The following ETS2 variants were observed in gnomAD, a reference collection of about 807,000 sequenced individuals.
The protein encoded by ETS2 is protein C-ets-2.
In ETS2, 19 loss-of-function variants were observed where a neutral mutation model predicts 54.9. The observed-to-expected ratio is 0.35, with a 90% confidence interval of 0.24 to 0.51. ETS2 has a LOEUF of 0.51. ETS2 is among the 20% of genes least tolerant of loss of function. The pLI is 0.97. For missense variants in ETS2, 417 were observed against 593.0 expected, an observed-to-expected ratio of 0.70 and a Z score of 3.08; for synonymous variants, 219 against 229.3, an observed-to-expected ratio of 0.95 and a Z score of 0.41.
Position 38,822,920 on chromosome 21 carries a change from G to C in ETS2, c.*31G>C. 6.6e-7 allele frequency: 1 copy of C among 1,511,946 alleles called. No homozygotes were observed. The highest frequency in any genetic ancestry group is 8.9e-7 in the Non-Finnish European group (1 of 1,125,730). The allele number at this position is 1,511,946 out of a possible 1,614,324, so 93.7% of individuals were successfully genotyped here. Reference sequence around the variant, plus strand: ...CCGGGACCACCCTGAGCCGGCCCCAGGCTCGTGGACTGAGTGGGAAGCCCA... The same window carrying C: ...CCGGGACCACCCTGAGCCGGCCCCACGCTCGTGGACTGAGTGGGAAGCCCA... On this transcript the variant is annotated 3_prime_UTR_variant, in exon 10 of 10. Transcript: ENST00000360938.
chr21:38,814,306 C>T lies in ETS2; in HGVS notation c.218C>T (p.Pro73Leu), dbSNP rs777697990. 1.2e-6 allele frequency: 2 copies of T among 1,614,014 alleles called. No individual in the cohort carries two copies. The highest frequency in any genetic ancestry group is 1.7e-6 in the Non-Finnish European group (2 of 1,179,954). ...AACTGTGAATTGCCTTTGTTAACCC[C>T]GTGCAGCAAGGCTGTGATGAGTCAA... ...SANCELPLLT[P>L]CSKAVMSQAL... Residue 73 changes from proline (P) to leucine (L), a missense_variant, in exon 4 of 10, where the codon CCG becomes CTG. Around this residue, in one of 3 missense-constraint regions of ETS2, gnomAD observed 326 missense variants for 426.1 expected, o/e 0.76. Coordinates refer to ENST00000360938, the MANE Select transcript of ETS2 (RefSeq NM_005239.6). This position sits in a 1 kb window ranked among gnomAD's most constrained non-coding sequence, Gnocchi z 4.2.
chr21:38,822,836 A>C lies in ETS2; in HGVS notation c.1357A>C (p.Thr453Pro). Residue 453 changes from threonine (T) to proline (P), a missense_variant, in exon 10 of 10, where the codon ACG becomes CCG. Transcript: ENST00000360938. The part of the protein sequence containing the change: ...VCDLQNLLGF[T>P]PEELHAILGV... Reference sequence around the variant, plus strand: ...CGACCTCCAGAACTTGCTGGGGTTCACGCCCGAGGAACTGCACGCCATCCT... The same window carrying C: ...CGACCTCCAGAACTTGCTGGGGTTCCCGCCCGAGGAACTGCACGCCATCCT... The C allele has an allele frequency of 6.2e-7, 1 of 1,611,142 alleles. No individual in the cohort carries two copies. Among genetic ancestry groups the C allele is most frequent in the Non-Finnish European group, 8.5e-7 (1 of 1,177,888 alleles).
At position 38,814,746 on chromosome 21, in the gene ETS2, C is replaced by T. The variant is rs1415929030; in HGVS notation, c.305-35C>T. On this transcript the variant is annotated intron_variant, in intron 4 of 9. Transcript: ENST00000360938. The surrounding 1 kb of genome is among the most constrained non-coding windows in gnomAD (Gnocchi z 4.2). Reference sequence around the variant, plus strand: ...TCTCACTACCTTTCCACTGTTTTTACCTCATGTGTTCCATTTTTTCTTCTC... The same window carrying T: ...TCTCACTACCTTTCCACTGTTTTTATCTCATGTGTTCCATTTTTTCTTCTC... 2 of 1,588,178 alleles carry T rather than the reference C, an allele frequency of 1.3e-6. No individual in the cohort carries two copies.
chr21:38,818,764 C>A, intron 7 of ETS2, 118 bp downstream of exon 7: 1 of 1,188,962 alleles, frequency 8.4e-7, no homozygotes, highest in East Asian at 2.4e-5. Context: ...GGGGTCAAAG[C>A]CCATGTTCTA....
rs1447124230 is a variant in ETS2, at chr21:38,805,956, G to A, written c.-165G>A. On this transcript the variant is annotated 5_prime_UTR_variant, in exon 1 of 10. Coordinates refer to ENST00000360938, the MANE Select transcript of ETS2 (RefSeq NM_005239.6). This position sits in a 1 kb window ranked among gnomAD's most constrained non-coding sequence, Gnocchi z 5.2. The stretch of plus-strand genomic sequence containing the variant: ...TTACTTCCTCCAGAGACTGACGAGT[G>A]CGGTGTCGCTCCAGCTCAGAGCTCC... The A allele has an allele frequency of 7.9e-7, 1 of 1,270,598 alleles. No individual in the cohort carries two copies. The highest frequency in any genetic ancestry group is 2.4e-5 in the Admixed American group (1 of 41,440). The allele number at this position is 1,270,598 out of a possible 1,614,324, so 78.7% of individuals were successfully genotyped here.
chr21:38,805,638 C>T (rs960755226), upstream of ETS2: 3 of 1,212,034 alleles, frequency 2.5e-6, no homozygotes, highest in African/African-American at 3.2e-5. The surrounding 1 kb of genome is among the most constrained non-coding windows in gnomAD (Gnocchi z 5.2). Flanking sequence ...AGGTGTCAGC[C>T]CCGCCCCGCG....
intron 1 of ETS2, chr21:38,809,545 C>T (rs1325263570): frequency 6.5e-6 from 1 of 153,142 alleles, no homozygotes; most frequent in Non-Finnish European, 1.5e-5. Flanking sequence ...AGGGGGCTTC[C>T]TGGACTCCTT....
At position 38,813,643 on chromosome 21, in the gene ETS2, A is replaced by C. The variant is rs1415697615; in HGVS notation, c.184+529A>C. 2.0e-5 allele frequency among the ~76,000 whole-genome samples: 3 copies of C among 152,242 alleles called. No homozygotes were observed. In the East Asian group the frequency reaches 5.8e-4, roughly 29 times the overall value. On this transcript the variant is annotated intron_variant, in intron 3 of 9. Transcript: ENST00000360938. The stretch of plus-strand genomic sequence containing the variant: ...AGATAATGTTCATACAATTACTGTG[A>C]CAGAGCTATTAGTTGGAAACATGCC...
In ETS2 at chr21:38,807,417, CTTT is replaced by C. The variant is rs369913456; in HGVS notation, c.-1+1313_-1+1315del. On this transcript the variant is annotated intron_variant, in intron 1 of 9. Transcript: ENST00000360938. ...AGCTGTTACATTTCTGCTCTTTATC[CTTT>C]TTTTTTTTTTTTTTTGGTTTAAAAG... Among the ~76,000 whole-genome samples the C allele has an allele frequency of 1.7e-3, 230 of 133,332 alleles. 1 individual carries two copies. The highest frequency in any genetic ancestry group is 5.2e-3 in the Admixed American group (69 of 13,184). 87.5% of individuals were successfully genotyped at this position (133,332 alleles called of 152,430 possible).
In ETS2 at chr21:38,813,015, T is replaced by G. The variant is rs2060919711; in HGVS notation, c.85T>G (p.Phe29Val). The G allele has an allele frequency of 6.2e-7, 1 of 1,613,246 alleles. No homozygotes were observed. The highest frequency in any genetic ancestry group is 8.5e-7 in the Non-Finnish European group (1 of 1,179,314). ...YRGTLKRQPA[F>V]DTFDGSLFAV... is the part of the protein sequence containing the mutation. ...TCTGTTTTTGCAGCGCCAGCCAGCCTTTGACACCTTTGATGGGTCCCTGTT... is the reference window on the plus strand; with the variant it reads ...TCTGTTTTTGCAGCGCCAGCCAGCCGTTGACACCTTTGATGGGTCCCTGTT... Residue 29 changes from phenylalanine (F) to valine (V), a missense_variant, in exon 3 of 10, where the codon TTT (phenylalanine) becomes GTT (valine). Around this residue, in one of 3 missense-constraint regions of ETS2, gnomAD observed 326 missense variants for 426.1 expected, o/e 0.76. Transcript: ENST00000360938.
chr21:38,818,563 G>A lies in ETS2; in HGVS notation c.728G>A (p.Arg243Gln), dbSNP rs1024159376. ...GAGTTTCAGATGTTCCCCAAGTCTCGGCTCAGCTCCGTCAGCGTCACCTAC... is the reference window on the plus strand; with the variant it reads ...GAGTTTCAGATGTTCCCCAAGTCTCAGCTCAGCTCCGTCAGCGTCACCTAC... ...EQEFQMFPKS[R>Q]LSSVSVTYCS... Residue 243 changes from arginine (R) to glutamine (Q), a missense_variant, in exon 7 of 10, where the codon CGG becomes CAG. Arg to Gln is a conservative substitution (Grantham distance 43). Around this residue, in one of 3 missense-constraint regions of ETS2, gnomAD observed 326 missense variants for 426.1 expected, o/e 0.76. Coordinates refer to ENST00000360938, the MANE Select transcript of ETS2 (RefSeq NM_005239.6). 1.2e-5 allele frequency: 19 copies of A among 1,614,012 alleles called. No homozygotes were observed. The highest frequency in any genetic ancestry group is 8.0e-5 in the African/African-American group (6 of 74,888).
At chr21:38,805,690 G>C (rs1297878246), upstream of ETS2, 3 of 1,155,104 alleles carry the variant, frequency 2.6e-6, no homozygotes, top group South Asian at 3.1e-5. This position sits in a 1 kb window ranked among gnomAD's most constrained non-coding sequence, Gnocchi z 5.2. Context: ...CCCCTCGTGC[G>C]TTCCCTCTCC....
chr21:38,806,060 A>C lies in ETS2; in HGVS notation c.-61A>C, dbSNP rs1191619181. On this transcript the variant is annotated 5_prime_UTR_variant, in exon 1 of 10. Coordinates refer to ENST00000360938, the MANE Select transcript of ETS2 (RefSeq NM_005239.6). The surrounding 1 kb of genome is among the most constrained non-coding windows in gnomAD (Gnocchi z 4.3). ...CGCCCTCGCCCGGCGCGCACCGAGCAGCCGCGGGCGCCGAGCAGCCACCGT... is the reference window on the plus strand; with the variant it reads ...CGCCCTCGCCCGGCGCGCACCGAGCCGCCGCGGGCGCCGAGCAGCCACCGT... 3 of 1,176,988 alleles carry C rather than the reference A, an allele frequency of 2.5e-6. No individual in the cohort carries two copies. Among genetic ancestry groups the C allele is most frequent in the Non-Finnish European group, 3.2e-6 (3 of 940,086 alleles). 72.9% of individuals were successfully genotyped at this position (1,176,988 alleles called of 1,614,324 possible). A position where few individuals can be genotyped will look rare whatever the true frequency, so the allele number is the denominator to read the frequency against.
chr21:38,819,397 C>T, intron 7 of ETS2, 106 bp from the exon 8 acceptor site: 1 of 1,004,892 alleles, frequency 1.0e-6, no homozygotes, highest in South Asian at 1.4e-5. Context: ...GGTTCTACAC[C>T]AGCAGGTGCA....
chr21:38,815,689 G>A (rs1251709769), intron 5 of ETS2, among the ~76,000 whole-genome samples: 1 of 151,640 alleles, frequency 6.6e-6, no homozygotes, highest in East Asian at 2.0e-4. Context: ...CCAGCACTTT[G>A]GGAGGCGGAG....
chr21:38,817,179 C>A (rs2060938956), intron 6 of ETS2, 88 bp downstream of exon 6: 3 of 799,932 alleles, frequency 3.8e-6, no homozygotes, highest in South Asian at 1.6e-5. Context: ...TCCTAAGGGG[C>A]CACCTAGACC....
upstream of ETS2, chr21:38,805,598 A>G: frequency 1.6e-6 from 2 of 1,264,762 alleles, no homozygotes; most frequent in Non-Finnish European, 2.0e-6. This position sits in a 1 kb window ranked among gnomAD's most constrained non-coding sequence, Gnocchi z 5.2. Flanking sequence ...GCCGAGTGAC[A>G]GCAGGAGGCG....
rs368810027 is a variant in ETS2, at chr21:38,822,897, G to A, written c.*8G>A. On this transcript the variant is annotated 3_prime_UTR_variant, in exon 10 of 10. Coordinates refer to ENST00000360938, the MANE Select transcript of ETS2 (RefSeq NM_005239.6). ...CCCGACACGGAGGACTGAGGTCGCC[G>A]GGACCACCCTGAGCCGGCCCCAGGC... The A allele has an allele frequency of 3.9e-6, 6 of 1,557,530 alleles. No individual in the cohort carries two copies. The highest frequency in any genetic ancestry group is 2.7e-5 in the African/African-American group (2 of 73,496).
In ETS2 at chr21:38,824,578, C is replaced by G. The variant is rs2060971747; in HGVS notation, c.*1689C>G. 6.6e-6 allele frequency: 1 copy of G among 152,280 alleles called. No homozygotes were observed. The highest frequency in any genetic ancestry group is 1.5e-5 in the Non-Finnish European group (1 of 68,058). 9.4% of individuals were successfully genotyped at this position (152,280 alleles called of 1,614,324 possible). ...GGGTGGCCGGGCAAGCTGGGAAGAG[C>G]AAAGCCAGAGCTGCGCTGCCTCAAT... On this transcript the variant is annotated 3_prime_UTR_variant, in exon 10 of 10. Coordinates refer to ENST00000360938, the MANE Select transcript of ETS2 (RefSeq NM_005239.6).
Sources: allele counts gnomAD v4.1 joint callset (sites outside exome capture counted in the v4.1 genomes callset), GRCh38; gene constraint gnomAD v4.1.1; regional missense constraint gnomAD v4.1.1; non-coding constraint Gnocchi (gnomAD v3.1); transcripts MANE v1.5; gene names NCBI Gene and HGNC (gene_info 2026-07-23, HGNC 2026-07-21).